The following INVS variants were observed in gnomAD, a reference collection of about 807,000 sequenced individuals.
INVS encodes inversin.
A neutral mutation model predicts 108.8 loss-of-function variants in INVS; 86 were observed. The observed-to-expected ratio is 0.79, with a 90% CI of 0.66 to 0.95. The LOEUF is 0.95. Ranked by LOEUF, INVS falls within the 40% of genes least tolerant of loss-of-function variation. The probability of loss-of-function intolerance (pLI) is 0.00; values close to 1 mark genes in which losing one functional copy is unlikely to be tolerated. For synonymous variants in INVS, 455 were observed against 473.5 expected (o/e 0.96, Z 0.51); for missense variants, 1,169 against 1,297.4 (o/e 0.90, Z 1.52).
rs759526374 is a variant in INVS at position 100,226,168 on chromosome 9, C to T, written c.380C>T (p.Pro127Leu). The T allele has an allele frequency of 1.2e-6, 2 of 1,613,842 alleles. No individual in the cohort carries two copies. Among genetic ancestry groups the T allele is most frequent in the African/African-American group, 1.3e-5 (1 of 74,876 alleles). ...CACTTGACCACCCGGCACAGGAGCC[C>T]TAAGTGTTTGGCACTTCTGCTGAAG... ...PLHLTTRHRSPKCLALLLKFM... is the reference protein window; with the variant it reads ...PLHLTTRHRSLKCLALLLKFM... The change falls in exon 4 of 17, where the codon CCT becomes CTT. Residue 127 changes from proline to leucine, a missense_variant. Transcript: ENST00000262457.
chr9:100,283,259 G>A (rs1018413499), intron 12 of INVS, among the ~76,000 whole-genome samples: 1 of 152,114 alleles, frequency 6.6e-6, no homozygotes, highest in Middle Eastern at 3.2e-3. Flanking sequence ...AGCTAAGAAG[G>A]TACCACTGCA....
chr9:100,192,246 A>AGTGT (rs1554721301), intron 3 of INVS, among the ~76,000 whole-genome samples: 2 of 106,034 alleles, frequency 1.9e-5, no homozygotes, highest in African/African-American at 8.9e-5. Flanking sequence ...TGGGGAAAAA[A>AGTGT]GAGTGTGTGT....
intron 3 of INVS, among the ~76,000 whole-genome samples, chr9:100,166,476 T>G (rs938393671): frequency 2.6e-5 from 4 of 152,072 alleles, no homozygotes; most frequent in Admixed American, 6.6e-5. Context: ...GGAGCCGTGC[T>G]CCCACCACTG....
intron 3 of INVS, among the ~76,000 whole-genome samples, chr9:100,146,213 G>C (rs1276184470): frequency 6.6e-6 from 1 of 152,194 alleles, no homozygotes; most frequent in Non-Finnish European, 1.5e-5. Context: ...TCTGAAAAGA[G>C]AGTCAGTGAA....
intron 2 of INVS, among the ~76,000 whole-genome samples, chr9:100,112,321 G>A (rs1485673916): frequency 6.6e-6 from 1 of 152,132 alleles, no homozygotes; most frequent in Admixed American, 6.5e-5. Context: ...TTGCCTTATA[G>A]GCACAAAATA....
intron 5 of INVS, among the ~76,000 whole-genome samples, chr9:100,237,203 T>TCC (rs1272273583): frequency 1.3e-5 from 2 of 151,982 alleles, no homozygotes; most frequent in African/African-American, 2.4e-5. Context: ...GTGACACCCC[T>TCC]CCCCCCACCA....
intron 10 of INVS, among the ~76,000 whole-genome samples, chr9:100,263,553 C>G (rs1292796514): frequency 6.6e-6 from 1 of 152,166 alleles, no homozygotes; most frequent in East Asian, 1.9e-4. Flanking sequence ...CCCTGTTTCC[C>G]TTATAAGGAC....
chr9:100,216,524 C>T (rs574892664), intron 3 of INVS, among the ~76,000 whole-genome samples: 1 of 152,318 alleles, frequency 6.6e-6, no homozygotes, highest in South Asian at 2.1e-4. Context: ...ATAAGTCAGG[C>T]TAAAGCAGGA....
At chr9:100,111,655 A>G (rs896091634) in intron 2 of INVS, among the ~76,000 whole-genome samples, 7 of 152,382 alleles carry the variant, frequency 4.6e-5, no homozygotes, top group African/African-American at 1.4e-4. Flanking sequence ...ATTAGTTTAC[A>G]TCATAAGCTC....
chr9:100,217,913 T>C (rs1271301450), intron 3 of INVS, among the ~76,000 whole-genome samples: 4 of 152,196 alleles, frequency 2.6e-5, no homozygotes, highest in Admixed American at 2.6e-4. Flanking sequence ...ATTACTGATA[T>C]TTGCGACCTA....
At chr9:100,255,046 T>C (rs1219790063) in intron 10 of INVS, among the ~76,000 whole-genome samples, 1 of 152,266 alleles carries the variant, frequency 6.6e-6, no homozygotes, top group African/African-American at 2.4e-5. Context: ...TTCCTATCCA[T>C]GAGCATGGAA....
chr9:100,116,823 G>C (rs1355009625), intron 2 of INVS: 1 of 1,403,206 alleles, frequency 7.1e-7, no homozygotes, highest in East Asian at 2.3e-5. Flanking sequence ...TTGACGAGTT[G>C]GTCAGTGAAT....
intron 1 of INVS, among the ~76,000 whole-genome samples, chr9:100,101,020 ATATAT>A (rs1400934980): frequency 9.9e-6 from 1 of 101,414 alleles, no homozygotes; most frequent in African/African-American, 3.9e-5. Flanking sequence ...TTATATGTAT[ATATAT>A]TATATATATT....
Position 100,259,802 on chromosome 9 carries a change from G to A in INVS, c.1465-5020G>A, listed in dbSNP as rs138767940. Among the ~76,000 whole-genome samples the A allele has an allele frequency of 3.9e-3, 591 of 151,546 alleles. 5 individuals are homozygous for A. Among genetic ancestry groups the A allele is most frequent in the African/African-American group, 0.013 (546 of 41,338 alleles). ...TGATCTCAGGTGATCCGCCCGCCTC[G>A]GCCTCCCTAAGTGCTGGGATTACAG... On this transcript the variant is annotated intron_variant, in intron 10 of 16. Transcript: ENST00000262457.
At chr9:100,158,923 C>T (rs1829086552) in intron 3 of INVS, among the ~76,000 whole-genome samples, 3 of 152,070 alleles carry the variant, frequency 2.0e-5, no homozygotes, top group Non-Finnish European at 2.9e-5. Context: ...CATCCTTCCC[C>T]GTTCTCTCTC....
At chr9:100,226,638 C>T (rs1017657553) in intron 4 of INVS, among the ~76,000 whole-genome samples, 2 of 151,820 alleles carry the variant, frequency 1.3e-5, no homozygotes. Flanking sequence ...CATAGTGAAA[C>T]CTCATCTCTA....
At chr9:100,229,243 T>G (rs898540809) in intron 4 of INVS, among the ~76,000 whole-genome samples, 28 of 152,168 alleles carry the variant, frequency 1.8e-4, no homozygotes, top group African/African-American at 6.3e-4. Flanking sequence ...TTTGGGGCCA[T>G]TAAGTAAAAG....
intron 3 of INVS, among the ~76,000 whole-genome samples, chr9:100,127,640 G>T (rs1827926968): frequency 6.6e-6 from 1 of 152,066 alleles, no homozygotes; most frequent in Non-Finnish European, 1.5e-5. Flanking sequence ...TAATTAAGGG[G>T]TTAGAAAAAT....
chr9:100,294,512 A>C (rs1833729632), intron 14 of INVS, among the ~76,000 whole-genome samples: 1 of 152,078 alleles, frequency 6.6e-6, no homozygotes, highest in Non-Finnish European at 1.5e-5. Context: ...ACCCCATGTG[A>C]ACTCCCAACC....
Sources: gnomAD v4.1 joint callset for allele counts (sites outside exome capture counted in the v4.1 genomes callset) on GRCh38, gnomAD v4.1.1 for gene constraint, MANE v1.5 for transcripts, NCBI Gene and HGNC (gene_info 2026-07-23, HGNC 2026-07-21) for gene names.